Variants in NUP210L observed in about 807,000 individuals in gnomAD.
NUP210L encodes the protein nucleoporin 210 like, also known as nuclear pore membrane glycoprotein 210-like.
In NUP210L, 74 loss-of-function variants were observed where a neutral mutation model predicts 208.5. That is an observed-to-expected ratio of 0.35 (90% CI 0.29 to 0.43). NUP210L has a LOEUF of 0.43. NUP210L is among the 20% of genes least tolerant of loss of function. The probability of loss-of-function intolerance (pLI) is 1.00; values close to 1 mark genes in which losing one functional copy is unlikely to be tolerated. For synonymous variants in NUP210L, 780 were observed against 816.9 expected (o/e 0.95, Z 0.77); for missense variants, 1,843 against 2,289.4 (o/e 0.81, Z 3.98).
chr1:154,089,753 C>G (rs1655810102), intron 15 of NUP210L, among the ~76,000 whole-genome samples, 159 bp from the exon 16 acceptor site: 1 of 152,028 alleles, frequency 6.6e-6, no homozygotes, highest in Non-Finnish European at 1.5e-5. Context: ...TCTTAATTAT[C>G]TATGCTAAAG....
At chr1:154,054,788 A>C in exon 24 of NUP210L, 1 of 1,613,232 alleles carries the variant, frequency 6.2e-7, no homozygotes, top group Non-Finnish European at 8.5e-7. Flanking sequence ...TATTCATTGG[A>C]ATCAGTGTCA....
intron 27 of NUP210L, among the ~76,000 whole-genome samples, chr1:154,043,427 G>C (rs1368866907): frequency 2.0e-5 from 3 of 151,710 alleles, no homozygotes; most frequent in Non-Finnish European, 4.4e-5. Flanking sequence ...CGATTCTCCT[G>C]CCTCAGCCAC....
chr1:154,008,035 C>T (rs916536435), intron 35 of NUP210L, among the ~76,000 whole-genome samples: 12 of 151,580 alleles, frequency 7.9e-5, no homozygotes, highest in African/African-American at 2.4e-4. Flanking sequence ...CCATGCCTGG[C>T]TAATTTTTGT....
intron 35 of NUP210L, among the ~76,000 whole-genome samples, chr1:154,008,854 C>T (rs1282141289): frequency 6.6e-6 from 1 of 152,196 alleles, no homozygotes; most frequent in Non-Finnish European, 1.5e-5. Flanking sequence ...ACCATTCAGA[C>T]TGCCTGATCT....
chr1:153,993,030 C>A lies in NUP210L; in HGVS notation c.5551G>T (p.Gly1851Ter), dbSNP rs1292206173. 1 of 1,613,432 alleles carries A rather than the reference C, an allele frequency of 6.2e-7. No homozygotes were observed. Among genetic ancestry groups the A allele is most frequent in the Non-Finnish European group, 8.5e-7 (1 of 1,179,746 alleles). The change falls in exon 39 of 40, where the codon GGA (glycine) becomes TGA (stop). Residue 1851 changes from glycine (G) to a stop codon, truncating the protein, a stop_gained. Transcript: ENST00000368559. LOFTEE classifies it low-confidence loss of function (END_TRUNC). ...GCTTTTTTACCTGGCTGTGGTGTTC[C>A]TAGAGTTGGTACATACACAACTGGA...
intron 33 of NUP210L, 28 bp downstream of exon 33, chr1:154,018,905 T>C (rs1218509272): frequency 6.2e-7 from 1 of 1,612,080 alleles, no homozygotes; most frequent in South Asian, 1.1e-5. Context: ...CACCCTAGTC[T>C]CTTAAACTCT....
intron 32 of NUP210L, among the ~76,000 whole-genome samples, chr1:154,021,540 A>G (rs1172280753): frequency 6.6e-6 from 1 of 151,750 alleles, no homozygotes; most frequent in African/African-American, 2.4e-5. Context: ...GTAAAAGAAA[A>G]AACCTTATTA....
chr1:154,068,012 C>T (rs1459553563), intron 17 of NUP210L, among the ~76,000 whole-genome samples: 1 of 152,124 alleles, frequency 6.6e-6, no homozygotes, highest in Non-Finnish European at 1.5e-5. Flanking sequence ...TGAAAATGGC[C>T]ATAGTGCCCA....
In NUP210L at chr1:153,992,950, A is replaced by T; in HGVS notation, c.5567-15T>A. ...GTTAAAAAAACCTAGAAGAAGAGGG[A>T]AAAGTTGAGTGAATTAAACGTGTGT... On this transcript the variant is annotated splice_polypyrimidine_tract_variant and intron_variant, in intron 39 of 39. Coordinates refer to ENST00000368559, the Ensembl canonical transcript of NUP210L. 1 of 1,609,366 alleles carries T rather than the reference A, an allele frequency of 6.2e-7. No individual in the cohort carries two copies. Among genetic ancestry groups the T allele is most frequent in the Non-Finnish European group, 8.5e-7 (1 of 1,177,606 alleles).
At chr1:154,038,042 CT>C (rs1372111466) in intron 27 of NUP210L, among the ~76,000 whole-genome samples, 1 of 152,076 alleles carries the variant, frequency 6.6e-6, no homozygotes, top group Non-Finnish European at 1.5e-5. Flanking sequence ...TCTCTTCCTT[CT>C]TTCCTTCCTT....
rs755157780 is a variant in NUP210L, at chr1:154,019,086, G to C, written c.4517-17C>G. ...CAGGTTCACCTAGGAAAAGACAAGA[G>C]AAAACACTTGGCTGAAGCCTTTGAT... On this transcript the variant is annotated splice_polypyrimidine_tract_variant and intron_variant, in intron 32 of 39. Transcript: ENST00000368559. 2 of 1,613,396 alleles carry C rather than the reference G, an allele frequency of 1.2e-6. No homozygotes were observed. Among genetic ancestry groups the C allele is most frequent in the South Asian group, 2.2e-5 (2 of 91,024 alleles).
At chr1:154,122,246 T>A (rs1657650696) in intron 10 of NUP210L, among the ~76,000 whole-genome samples, 1 of 152,204 alleles carries the variant, frequency 6.6e-6, no homozygotes, top group African/African-American at 2.4e-5. Flanking sequence ...TGGCTGTATA[T>A]ATATTTTTAA....
At chr1:154,020,627 A>G (rs2147925659) in intron 32 of NUP210L, among the ~76,000 whole-genome samples, 1 of 152,204 alleles carries the variant, frequency 6.6e-6, no homozygotes, top group Non-Finnish European at 1.5e-5. Context: ...CCTGGGTTCA[A>G]GCAATTCTCC....
At chr1:153,999,734 CAAAAAAAAAAAAA>C (rs1172554188) in intron 37 of NUP210L, among the ~76,000 whole-genome samples, 1 of 54,594 alleles carries the variant, frequency 1.8e-5, no homozygotes, top group Non-Finnish European at 3.3e-5. Context: ...AAGACTCTCT[CAAAAAAAAAAAAA>C]AAAAAAAAAA....
intron 38 of NUP210L, among the ~76,000 whole-genome samples, chr1:153,994,795 C>T (rs186551975): frequency 0.012 from 1,858 of 151,158 alleles, 15 homozygotes; most frequent in Non-Finnish European, 0.018. Context: ...GGGTGGATCA[C>T]GAGGTCAGGA....
At chr1:154,144,431 T>C (rs776355055) in intron 2 of NUP210L, among the ~76,000 whole-genome samples, 12 of 152,222 alleles carry the variant, frequency 7.9e-5, no homozygotes, top group Admixed American at 3.3e-4. Flanking sequence ...TTATTTTTTC[T>C]TGTGGGCCAT....
intron 33 of NUP210L, among the ~76,000 whole-genome samples, chr1:154,017,255 T>C (rs947395047): frequency 1.4e-5 from 2 of 147,844 alleles, no homozygotes; most frequent in Non-Finnish European, 3.0e-5. Flanking sequence ...CTCTCCAGCC[T>C]GGGCAATAGA....
At chr1:154,071,894 C>T (rs1654753906) in intron 16 of NUP210L, among the ~76,000 whole-genome samples, 2 of 151,950 alleles carry the variant, frequency 1.3e-5, no homozygotes, top group African/African-American at 4.8e-5. Flanking sequence ...CCTCGGCCTC[C>T]CAAAGCGCTG....
intron 2 of NUP210L, 27 bp from the exon 3 acceptor site, chr1:154,143,604 T>G: frequency 1.3e-6 from 2 of 1,595,218 alleles, no homozygotes; most frequent in Non-Finnish European, 1.7e-6. Flanking sequence ...AACTGAGTAT[T>G]TAATTCAATA....
Sources: gnomAD v4.1 joint callset for allele counts (sites outside exome capture counted in the v4.1 genomes callset) on GRCh38, gnomAD v4.1.1 for gene constraint, MANE v1.5 for transcripts, NCBI Gene and HGNC (gene_info 2026-07-23, HGNC 2026-07-21) for gene names.